Variants in DDX60 observed in about 807,000 individuals in gnomAD.
DDX60 encodes the protein probable ATP-dependent RNA helicase DDX60.
DDX60 carries 165 observed loss-of-function variants against 212.8 expected under a neutral mutation model. The ratio of observed to expected loss-of-function variants is 0.78; its 90% CI spans 0.68 to 0.88. DDX60 has a LOEUF of 0.88. DDX60 is among the 40% of genes least tolerant of loss of function. The pLI is 0.00. For missense variants in DDX60, 1,905 were observed against 2,003.9 expected (o/e 0.95, Z 0.94); for synonymous variants, 703 against 685.3 (o/e 1.03, Z -0.40).
At chr4:168,286,412 ACACAC>A (rs1231118698) in intron 10 of DDX60, among the ~76,000 whole-genome samples, 2 of 124,330 alleles carry the variant, frequency 1.6e-5, no homozygotes, top group Middle Eastern at 4.0e-3. Flanking sequence ...ACACACACAC[ACACAC>A]CACACGAGAT....
intron 8 of DDX60, among the ~76,000 whole-genome samples, chr4:168,289,382 T>A (rs754585261): frequency 3.3e-5 from 5 of 152,182 alleles, no homozygotes; most frequent in Admixed American, 6.5e-5. Context: ...TTTATTCCCA[T>A]CTATCTAAGT....
chr4:168,236,200 A>G, intron 33 of DDX60, 52 bp downstream of exon 33: 1 of 1,550,926 alleles, frequency 6.4e-7, no homozygotes, highest in South Asian at 1.2e-5. Context: ...TTTAGGTAAG[A>G]TCTATTTAGT....
chr4:168,319,570 T>C (rs1270149083), upstream of DDX60, among the ~76,000 whole-genome samples: 1 of 152,232 alleles, frequency 6.6e-6, no homozygotes, highest in Non-Finnish European at 1.5e-5. Context: ...AAATGCAGAA[T>C]GGTCACATTT....
At chr4:168,305,633 ATAT>A (rs1348459358) in intron 5 of DDX60, among the ~76,000 whole-genome samples, 1 of 148,920 alleles carries the variant, frequency 6.7e-6, no homozygotes, top group Non-Finnish European at 1.5e-5. Flanking sequence ...ATTATATATT[ATAT>A]TATTATAGCT....
intron 33 of DDX60, among the ~76,000 whole-genome samples, chr4:168,227,270 T>C (rs911974174): frequency 1.3e-5 from 2 of 151,738 alleles, no homozygotes; most frequent in African/African-American, 2.4e-5. Context: ...CCAGATTAAT[T>C]ATATCTTCCT....
chr4:168,252,413 T>C, intron 27 of DDX60, 96 bp downstream of exon 27: 2 of 1,387,440 alleles, frequency 1.4e-6, no homozygotes, highest in African/African-American at 2.9e-5. Context: ...TTATGTATTA[T>C]ATTATGCATA....
intron 14 of DDX60, among the ~76,000 whole-genome samples, chr4:168,278,837 C>T (rs1263583304): frequency 6.6e-6 from 1 of 151,970 alleles, no homozygotes; most frequent in Admixed American, 6.6e-5. Flanking sequence ...AAAAACAGAA[C>T]AAAACAAAAA....
At chr4:168,319,039 GAA>G (rs1310623733), upstream of DDX60, among the ~76,000 whole-genome samples, 1 of 152,162 alleles carries the variant, frequency 6.6e-6, no homozygotes, top group Non-Finnish European at 1.5e-5. Context: ...AAAATAGCTA[GAA>G]GAGAGAATTT....
At chr4:168,220,914 T>C (rs1733028789) in intron 36 of DDX60, among the ~76,000 whole-genome samples, 197 bp from the exon 37 acceptor site, 1 of 152,076 alleles carries the variant, frequency 6.6e-6, no homozygotes, top group Admixed American at 6.6e-5. Flanking sequence ...GAGTTGAAAT[T>C]TCACAATCAT....
intron 30 of DDX60, among the ~76,000 whole-genome samples, chr4:168,245,640 C>T (rs1408823456): frequency 1.3e-5 from 2 of 152,092 alleles, no homozygotes; most frequent in African/African-American, 4.8e-5. Context: ...AGAAGAATCC[C>T]CCCTTCAGAA....
rs904865860 is a variant in DDX60 at position 168,279,610 on chromosome 4, G to A, written c.1978+725C>T. Among the ~76,000 whole-genome samples, 7 of 152,362 alleles carry A rather than the reference G, an allele frequency of 4.6e-5. No homozygotes were observed. The East Asian group carries it at 1.3e-3, about 29-fold the overall frequency. On this transcript the variant is annotated intron_variant, in intron 14 of 37. Transcript: ENST00000393743. ...GAATTTATGGAGTAAAGTCCTGAGTGATATTCGAGACTTCCTGGGGATCAA... is the reference window on the plus strand; with the variant it reads ...GAATTTATGGAGTAAAGTCCTGAGTAATATTCGAGACTTCCTGGGGATCAA...
chr4:168,257,896 C>A (rs908167056), intron 25 of DDX60, among the ~76,000 whole-genome samples: 1 of 152,162 alleles, frequency 6.6e-6, no homozygotes, highest in African/African-American at 2.4e-5. Flanking sequence ...AAACACAGTT[C>A]TTTGGTTTTG....
intron 5 of DDX60, among the ~76,000 whole-genome samples, chr4:168,305,093 T>C (rs997282085): frequency 6.6e-6 from 1 of 152,224 alleles, no homozygotes; most frequent in Non-Finnish European, 1.5e-5. Context: ...TAATTATCAT[T>C]GTGTTACAAT....
At chr4:168,293,761 T>C (rs771650200) in intron 7 of DDX60, 26 bp downstream of exon 7, 1 of 1,558,500 alleles carries the variant, frequency 6.4e-7, no homozygotes, top group South Asian at 1.2e-5. Flanking sequence ...AAATAGTATT[T>C]CTCAGTAAAG....
At chr4:168,276,840 A>G (rs1735362774) in intron 14 of DDX60, among the ~76,000 whole-genome samples, 1 of 152,262 alleles carries the variant, frequency 6.6e-6, no homozygotes, top group South Asian at 2.1e-4. Context: ...GAAATGTAAT[A>G]CAGTTCATAC....
chr4:168,229,547 A>T (rs1733374096), intron 33 of DDX60, among the ~76,000 whole-genome samples: 1 of 151,916 alleles, frequency 6.6e-6, no homozygotes, highest in South Asian at 2.1e-4. Flanking sequence ...ACAAGCACAG[A>T]GGCTGCAGCA....
chr4:168,284,248 C>G (rs984934626), intron 12 of DDX60, among the ~76,000 whole-genome samples: 1 of 152,174 alleles, frequency 6.6e-6, no homozygotes, highest in South Asian at 2.1e-4. Flanking sequence ...TACCCAGGTA[C>G]TTCACAGGAG....
intron 1 of DDX60, among the ~76,000 whole-genome samples, chr4:168,316,167 C>T (rs1579094209): frequency 6.6e-6 from 1 of 152,064 alleles, no homozygotes; most frequent in Admixed American, 6.5e-5. Context: ...ACAAGAGAAC[C>T]CATGGTACTT....
intron 7 of DDX60, among the ~76,000 whole-genome samples, chr4:168,292,957 G>GCTAA (rs1736174157): frequency 6.6e-6 from 1 of 152,170 alleles, no homozygotes; most frequent in African/African-American, 2.4e-5. Context: ...TTATAAGGAT[G>GCTAA]CTAAGTAAAA....
Sources: allele counts gnomAD v4.1 joint callset (sites outside exome capture counted in the v4.1 genomes callset), GRCh38; gene constraint gnomAD v4.1.1; transcripts MANE v1.5; gene names NCBI Gene and HGNC (gene_info 2026-07-23, HGNC 2026-07-21).